Variants in GPR158 observed in about 807,000 individuals in gnomAD.
GPR158 encodes G protein-coupled receptor 158, also known as metabotropic glycine receptor.
Under a neutral mutation model 78.2 loss-of-function variants are expected in GPR158, and 30 were observed. That is an observed-to-expected ratio of 0.38 (90% confidence interval 0.29 to 0.52). The LOEUF is 0.52. Among genes scored for constraint, GPR158 ranks in the 20% least tolerant of loss-of-function variants. The probability of loss-of-function intolerance (pLI) is 0.83; values close to 1 mark genes in which losing one functional copy is unlikely to be tolerated. For missense variants in GPR158, 1,463 were observed against 1,523.5 expected, an observed-to-expected ratio of 0.96 and a Z score of 0.66; for synonymous variants, 581 against 591.1, an observed-to-expected ratio of 0.98 and a Z score of 0.25.
chr10:25,304,708 A>G (rs938738124), intron 2 of GPR158, among the ~76,000 whole-genome samples: 4 of 152,288 alleles, frequency 2.6e-5, no homozygotes, highest in African/African-American at 9.6e-5. Context: ...CGACGAACTT[A>G]AGCAGTTTGT....
At position 25,175,389 on chromosome 10, in the gene GPR158, T is replaced by C; in HGVS notation, c.-32T>C. On this transcript the variant is annotated 5_prime_UTR_variant, in exon 1 of 11. Coordinates refer to ENST00000376351, the MANE Select transcript of GPR158 (RefSeq NM_020752.3). This position sits in a 1 kb window ranked among gnomAD's most constrained non-coding sequence, Gnocchi z 6.4. Reference sequence around the variant, plus strand: ...AAATTTAAAAAGTGATTCCCCCCCCTCCCGTTCCCTCCTCTTCTCTCTGGG... The same window carrying C: ...AAATTTAAAAAGTGATTCCCCCCCCCCCCGTTCCCTCCTCTTCTCTCTGGG... 1.5e-6 allele frequency: 2 copies of C among 1,304,328 alleles called. No individual in the cohort carries two copies. Among genetic ancestry groups the C allele is most frequent in the Middle Eastern group, 2.5e-4 (1 of 3,970 alleles). The allele number at this position is 1,304,328 out of a possible 1,614,324, so 80.8% of individuals were successfully genotyped here.
intron 4 of GPR158, among the ~76,000 whole-genome samples, chr10:25,464,088 T>C (rs115987366): frequency 9.8e-5 from 15 of 152,340 alleles, no homozygotes; most frequent in South Asian, 4.1e-4. Flanking sequence ...AGAGTTCCAA[T>C]TTATAATCTG....
chr10:25,312,831 T>C (rs936401310), intron 2 of GPR158, among the ~76,000 whole-genome samples: 15 of 152,160 alleles, frequency 9.9e-5, no homozygotes, highest in Non-Finnish European at 1.8e-4. Context: ...CAGTGAAGAA[T>C]ACAATCGTTA....
At chr10:25,228,280 A>T (rs547258700) in intron 2 of GPR158, among the ~76,000 whole-genome samples, 11 of 152,130 alleles carry the variant, frequency 7.2e-5, no homozygotes, top group Admixed American at 2.0e-4. Context: ...ATTTCTAAAA[A>T]AAATAATTTA....
intron 4 of GPR158, among the ~76,000 whole-genome samples, chr10:25,464,321 A>G (rs1835394813): frequency 6.6e-6 from 1 of 152,174 alleles, no homozygotes; most frequent in Admixed American, 6.5e-5. Flanking sequence ...CCATCAAACC[A>G]CAGCATGACC....
chr10:25,279,862 C>T (rs910601422), intron 2 of GPR158, among the ~76,000 whole-genome samples: 2 of 151,514 alleles, frequency 1.3e-5, no homozygotes, highest in South Asian at 2.1e-4. Context: ...GATTTGAGTC[C>T]AGATAATCTG....
chr10:25,222,949 T>C (rs1337651146), intron 2 of GPR158, among the ~76,000 whole-genome samples: 1 of 152,314 alleles, frequency 6.6e-6, no homozygotes, highest in East Asian at 1.9e-4. Context: ...ATCTGTTTAT[T>C]TGACTAGATG....
chr10:25,241,408 T>TCTCTTCTC, intron 2 of GPR158, among the ~76,000 whole-genome samples: 1 of 145,060 alleles, frequency 6.9e-6, no homozygotes, highest in South Asian at 2.2e-4. Context: ...TCTCTTCTCT[T>TCTCTTCTC]CTCTTTTCTT....
chr10:25,364,191 G>C (rs34692830), intron 2 of GPR158, among the ~76,000 whole-genome samples: 8 of 151,614 alleles, frequency 5.3e-5, no homozygotes, highest in African/African-American at 1.9e-4. Context: ...AATATAGCTG[G>C]GACTTTAATT....
chr10:25,395,739 C>T (rs566443357), intron 2 of GPR158, among the ~76,000 whole-genome samples, 172 bp from the exon 3 acceptor site: 5 of 152,142 alleles, frequency 3.3e-5, no homozygotes, highest in African/African-American at 4.8e-5. Context: ...TAATTTACTG[C>T]TTCTAAAAAA....
intron 2 of GPR158, among the ~76,000 whole-genome samples, chr10:25,293,719 T>C (rs2130767186): frequency 6.7e-6 from 1 of 150,354 alleles, no homozygotes; most frequent in Admixed American, 6.7e-5. Context: ...GGTTTGGGTA[T>C]TTTAATAAAG....
chr10:25,438,604 T>G (rs1474317422), intron 4 of GPR158, among the ~76,000 whole-genome samples: 1 of 152,148 alleles, frequency 6.6e-6, no homozygotes, highest in Non-Finnish European at 1.5e-5. Flanking sequence ...AATGGAAAAA[T>G]TGATGGCTAA....
At chr10:25,366,185 T>C (rs1362410762) in intron 2 of GPR158, among the ~76,000 whole-genome samples, 2 of 151,796 alleles carry the variant, frequency 1.3e-5, no homozygotes, top group Admixed American at 1.3e-4. Flanking sequence ...CTGTTACAAA[T>C]AGTCCATTTA....
At chr10:25,476,829 A>G (rs551377879) in intron 5 of GPR158, among the ~76,000 whole-genome samples, 1 of 152,264 alleles carries the variant, frequency 6.6e-6, no homozygotes, top group Admixed American at 6.5e-5. Context: ...CTTCTTCATT[A>G]GGAAACAAAA....
At chr10:25,250,623 TTGAG>T (rs1343870355) in intron 2 of GPR158, among the ~76,000 whole-genome samples, 3 of 150,114 alleles carry the variant, frequency 2.0e-5, no homozygotes, top group African/African-American at 7.5e-5. Context: ...TTGAGCGGCT[TTGAG>T]TGAGATTCTT....
intron 4 of GPR158, among the ~76,000 whole-genome samples, chr10:25,425,716 C>T (rs530321458): frequency 1.3e-3 from 191 of 151,674 alleles, no homozygotes; most frequent in South Asian, 0.011. Flanking sequence ...AACAAACAAT[C>T]CCATTTTATG....
At chr10:25,187,604 A>C (rs1852706699) in intron 1 of GPR158, among the ~76,000 whole-genome samples, 1 of 152,220 alleles carries the variant, frequency 6.6e-6, no homozygotes, top group Admixed American at 6.5e-5. Context: ...AAAAACTCTC[A>C]ATAAACTAGG....
intron 5 of GPR158, among the ~76,000 whole-genome samples, chr10:25,527,362 A>G (rs1245124338): frequency 2.0e-5 from 3 of 152,218 alleles, no homozygotes; most frequent in Non-Finnish European, 4.4e-5. Flanking sequence ...ATGAATCCCT[A>G]TAAACTTTTT....
At chr10:25,360,091 A>G (rs1855610668) in intron 2 of GPR158, among the ~76,000 whole-genome samples, 1 of 151,934 alleles carries the variant, frequency 6.6e-6, no homozygotes, top group Non-Finnish European at 1.5e-5. Flanking sequence ...TCCTTCACCT[A>G]CTTTTTGATG....
Sources: gnomAD v4.1 joint callset for allele counts (sites outside exome capture counted in the v4.1 genomes callset) on GRCh38, gnomAD v4.1.1 for gene constraint, Gnocchi (gnomAD v3.1) non-coding constraint, MANE v1.5 for transcripts, NCBI Gene and HGNC (gene_info 2026-07-23, HGNC 2026-07-21) for gene names.